Variants in ADGRB3 observed in about 807,000 individuals in gnomAD.
ADGRB3 encodes brain-specific angiogenesis inhibitor 3.
ADGRB3 carries 37 observed loss-of-function variants against 193.4 expected under a neutral mutation model. The ratio of observed to expected loss-of-function variants is 0.19; its 90% CI spans 0.15 to 0.25. The LOEUF is 0.25. Ranked by LOEUF, ADGRB3 falls within the 10% of genes least tolerant of loss-of-function variation. The pLI, the probability that ADGRB3 is intolerant of heterozygous loss-of-function variation, is 1.00. For missense variants in ADGRB3, 1,637 were observed against 1,852.9 expected (o/e 0.88, Z 2.14); for synonymous variants, 690 against 644.2 (o/e 1.07, Z -1.08).
chr6:68,979,423 T>A (rs1356163472), intron 10 of ADGRB3, among the ~76,000 whole-genome samples: 1 of 151,476 alleles, frequency 6.6e-6, no homozygotes, highest in Non-Finnish European at 1.5e-5. Flanking sequence ...CAATTTCAAT[T>A]AGTTAATACT....
chr6:69,062,421 A>G (rs1007904042), intron 15 of ADGRB3, among the ~76,000 whole-genome samples: 7 of 151,992 alleles, frequency 4.6e-5, no homozygotes, highest in African/African-American at 1.7e-4. Flanking sequence ...ATTATGGTCA[A>G]TAATTAGCAA....
At chr6:69,251,832 T>C (rs185489129) in intron 20 of ADGRB3, among the ~76,000 whole-genome samples, 1 of 152,282 alleles carries the variant, frequency 6.6e-6, no homozygotes, top group East Asian at 1.9e-4. Flanking sequence ...TGCAATGCAT[T>C]ATTATCAACT....
In ADGRB3 at chr6:69,076,057, C is replaced by T. The variant is rs1248052385; in HGVS notation, c.2480+19C>T. The T allele has an allele frequency of 6.2e-7, 1 of 1,608,062 alleles. No individual in the cohort carries two copies. The highest frequency in any genetic ancestry group is 1.7e-5 in the Admixed American group (1 of 59,618). On this transcript the variant is annotated intron_variant, in intron 17 of 31. Transcript: ENST00000370598. ...CCAAAACGTAAGTGACAGATGTTTTCCTACATTACTTTGGGCTAAATTTTC... is the reference window on the plus strand; with the variant it reads ...CCAAAACGTAAGTGACAGATGTTTTTCTACATTACTTTGGGCTAAATTTTC...
At chr6:68,706,315 A>AG (rs1280671495) in intron 3 of ADGRB3, among the ~76,000 whole-genome samples, 3 of 152,164 alleles carry the variant, frequency 2.0e-5, no homozygotes, top group East Asian at 3.9e-4. Flanking sequence ...GGGGAAGACT[A>AG]GGGACTGAAA....
chr6:69,336,772 A>G (rs886626621), intron 24 of ADGRB3, among the ~76,000 whole-genome samples: 1 of 152,068 alleles, frequency 6.6e-6, no homozygotes, highest in Non-Finnish European at 1.5e-5. Context: ...AAGAAACAAG[A>G]TCTCATTTTT....
At chr6:69,151,701 C>T (rs1251285987) in intron 17 of ADGRB3, among the ~76,000 whole-genome samples, 2 of 152,052 alleles carry the variant, frequency 1.3e-5, no homozygotes, top group Admixed American at 6.5e-5. Flanking sequence ...CAGTCCTGTC[C>T]GTATATTTCT....
intron 20 of ADGRB3, among the ~76,000 whole-genome samples, chr6:69,305,358 C>A (rs191993511): frequency 6.6e-6 from 1 of 151,460 alleles, no homozygotes; most frequent in Admixed American, 6.6e-5. Context: ...TATTGTGTGA[C>A]AAAATATACT....
intron 17 of ADGRB3, among the ~76,000 whole-genome samples, chr6:69,106,689 C>G (rs909931793): frequency 2.0e-5 from 3 of 152,190 alleles, no homozygotes; most frequent in Non-Finnish European, 4.4e-5. Flanking sequence ...CCCCAAGGGA[C>G]TTGTGTAAAG....
intron 17 of ADGRB3, among the ~76,000 whole-genome samples, chr6:69,213,049 G>C (rs962515458): frequency 3.9e-5 from 6 of 152,106 alleles, no homozygotes; most frequent in African/African-American, 1.4e-4. Context: ...CATTAGTGCG[G>C]CTATAGATGA....
At chr6:69,035,396 G>A (rs901451544) in intron 13 of ADGRB3, among the ~76,000 whole-genome samples, 2 of 151,898 alleles carry the variant, frequency 1.3e-5, no homozygotes, top group Admixed American at 1.3e-4. Context: ...TTAGTAAGAT[G>A]AAGTAAGTAT....
At chr6:69,388,597 A>G in intron 31 of ADGRB3, 106 bp from the exon 32 acceptor site, 2 of 1,117,748 alleles carry the variant, frequency 1.8e-6, no homozygotes, top group Non-Finnish European at 2.5e-6. Flanking sequence ...TCTCTGCATC[A>G]CAGAAACTGG....
intron 13 of ADGRB3, among the ~76,000 whole-genome samples, chr6:69,035,630 T>C (rs1054146444): frequency 4.6e-5 from 7 of 152,170 alleles, no homozygotes; most frequent in African/African-American, 1.7e-4. Flanking sequence ...ATTCAATTTA[T>C]ACTTAAAACC....
intron 30 of ADGRB3, among the ~76,000 whole-genome samples, chr6:69,374,395 A>G (rs981527676): frequency 5.9e-5 from 9 of 152,190 alleles, no homozygotes; most frequent in Middle Eastern, 3.4e-3. Context: ...AATTTGTATC[A>G]AGCTCCCTGA....
chr6:68,662,509 G>T (rs1256247754), intron 3 of ADGRB3, among the ~76,000 whole-genome samples: 1 of 151,452 alleles, frequency 6.6e-6, no homozygotes, highest in Non-Finnish European at 1.5e-5. Flanking sequence ...TGTGGTCACA[G>T]GTCATGCGTT....
intron 3 of ADGRB3, among the ~76,000 whole-genome samples, chr6:68,672,450 TA>T (rs1209726450): frequency 6.6e-6 from 1 of 152,028 alleles, no homozygotes; most frequent in African/African-American, 2.4e-5. Context: ...CATTGGTTTT[TA>T]TATGTTATGT....
intron 3 of ADGRB3, among the ~76,000 whole-genome samples, chr6:68,739,759 A>G (rs1203494557): frequency 6.6e-6 from 1 of 152,218 alleles, no homozygotes; most frequent in African/African-American, 2.4e-5. Flanking sequence ...AAATCTACAG[A>G]ATGTTTACAT....
At chr6:69,100,825 A>AGGAAGGGAC (rs1773011977) in intron 17 of ADGRB3, among the ~76,000 whole-genome samples, 1 of 16,152 alleles carries the variant, frequency 6.2e-5, no homozygotes, top group African/African-American at 1.7e-4. Flanking sequence ...AAGGAAGGAA[A>AGGAAGGGAC]GAAGGAAGGA....
At chr6:68,684,080 C>T (rs1275338930) in intron 3 of ADGRB3, among the ~76,000 whole-genome samples, 1 of 152,092 alleles carries the variant, frequency 6.6e-6, no homozygotes, top group Non-Finnish European at 1.5e-5. Context: ...TTTAAATTTT[C>T]TGAAATATGC....
intron 1 of ADGRB3, among the ~76,000 whole-genome samples, chr6:68,636,937 AT>A (rs1767973213): frequency 7.1e-6 from 1 of 140,860 alleles, no homozygotes; most frequent in Non-Finnish European, 1.5e-5. Flanking sequence ...GCAGACCTGC[AT>A]TGCCTGCAAA....
Sources: gnomAD v4.1 joint callset for allele counts (sites outside exome capture counted in the v4.1 genomes callset) on GRCh38, gnomAD v4.1.1 for gene constraint, MANE v1.5 for transcripts, NCBI Gene and HGNC (gene_info 2026-07-23, HGNC 2026-07-21) for gene names.